DGLUCY: variants seen among roughly 807,000 people sequenced by gnomAD.
The protein encoded by DGLUCY is D-glutamate cyclase, also known as D-glutamate cyclase, mitochondrial.
In DGLUCY, 58 loss-of-function variants were observed where a neutral mutation model predicts 58.5. The observed-to-expected ratio is 0.99, with a 90% CI of 0.80 to 1.23. The LOEUF (loss-of-function observed/expected upper bound fraction) is 1.23, where lower values mean the gene tolerates loss of function less well. Among genes scored for constraint, DGLUCY ranks in the 50% most tolerant of loss-of-function variants. The probability of loss-of-function intolerance (pLI) is 0.00; values close to 1 mark genes in which losing one functional copy is unlikely to be tolerated. For missense variants in DGLUCY, 779 were observed against 784.7 expected, an observed-to-expected ratio of 0.99 and a Z score of 0.09; for synonymous variants, 325 against 314.1, an observed-to-expected ratio of 1.03 and a Z score of -0.37.
intron 1 of DGLUCY, among the ~76,000 whole-genome samples, chr14:91,076,425 GT>G (rs1285787813): frequency 6.6e-6 from 1 of 152,026 alleles, no homozygotes; most frequent in African/African-American, 2.4e-5. Flanking sequence ...CACTGTATGG[GT>G]TTTTTATTTG....
chr14:91,165,988 T>G (rs2048261580), intron 3 of DGLUCY, among the ~76,000 whole-genome samples: 1 of 152,220 alleles, frequency 6.6e-6, no homozygotes, highest in African/African-American at 2.4e-5. Flanking sequence ...ATTGCATGAA[T>G]ATACTAGGCA....
intron 1 of DGLUCY, among the ~76,000 whole-genome samples, chr14:91,145,575 G>A (rs572738098): frequency 5.9e-5 from 9 of 152,208 alleles, no homozygotes; most frequent in African/African-American, 2.2e-4. Flanking sequence ...GAACCAAGAC[G>A]GGGTTGACAC....
Position 91,196,360 on chromosome 14 carries a change from G to A in DGLUCY, c.1196-15G>A. On this transcript the variant is annotated splice_polypyrimidine_tract_variant and intron_variant, in intron 9 of 13. Coordinates refer to ENST00000256324, the MANE Select transcript of DGLUCY (RefSeq NM_001102368.3). ...ACTAGAGCTGATGTGTGCCCTGCTT[G>A]CCTTTATTTTCAAGGTGTTCTGAAG... is the stretch of plus-strand genomic sequence containing the variant. 1 of 1,611,464 alleles carries A rather than the reference G, an allele frequency of 6.2e-7. No homozygotes were observed. Among genetic ancestry groups the A allele is most frequent in the Non-Finnish European group, 8.5e-7 (1 of 1,177,734 alleles).
intron 1 of DGLUCY, among the ~76,000 whole-genome samples, chr14:91,072,403 G>A (rs2043937337): frequency 6.6e-6 from 1 of 151,540 alleles, no homozygotes; most frequent in Non-Finnish European, 1.5e-5. Context: ...TTTTGTGTTC[G>A]TTTTTTCTTA....
intron 1 of DGLUCY, among the ~76,000 whole-genome samples, chr14:91,062,608 TATA>T (rs1405605276): frequency 0.06 from 1,657 of 27,782 alleles, 213 homozygotes; most frequent in Middle Eastern, 0.087. Flanking sequence ...TATATATATA[TATA>T]AACAATCCTT....
At chr14:91,101,037 C>T (rs1409963388) in intron 1 of DGLUCY, among the ~76,000 whole-genome samples, 47 of 152,034 alleles carry the variant, frequency 3.1e-4, no homozygotes, top group Non-Finnish European at 1.0e-4. Flanking sequence ...TGCTGCTCCA[C>T]CCCAGCCTGG....
intron 4 of DGLUCY, chr14:91,167,640 G>T (rs2048356872): frequency 2.8e-6 from 2 of 706,518 alleles, no homozygotes; most frequent in Non-Finnish European, 2.6e-6. Context: ...CACTGGCTCT[G>T]CCATCTGTCC....
intron 1 of DGLUCY, among the ~76,000 whole-genome samples, chr14:91,093,336 G>A (rs1330072877): frequency 6.6e-6 from 1 of 152,130 alleles, no homozygotes; most frequent in African/African-American, 2.4e-5. Flanking sequence ...GGATTGTTGT[G>A]GAAATGGAAA....
chr14:91,156,991 C>A (rs2047654438), intron 1 of DGLUCY, among the ~76,000 whole-genome samples: 1 of 152,074 alleles, frequency 6.6e-6, no homozygotes, highest in African/African-American at 2.4e-5. Context: ...CCTAACACCA[C>A]AAAATGGGTG....
At chr14:91,128,446 A>T (rs1488624096) in intron 1 of DGLUCY, among the ~76,000 whole-genome samples, 1 of 152,084 alleles carries the variant, frequency 6.6e-6, no homozygotes, top group East Asian at 1.9e-4. Flanking sequence ...ATGAGCCATG[A>T]TCACACCACT....
intron 1 of DGLUCY, among the ~76,000 whole-genome samples, chr14:91,116,942 C>CA (rs11442546): frequency 0.82 from 117,290 of 142,602 alleles, 48,061 homozygotes; most frequent in East Asian, 0.99. Flanking sequence ...GAGTCTGTCT[C>CA]AAAAAAAAAA....
intron 12 of DGLUCY, 152 bp from the exon 13 acceptor site, chr14:91,215,253 G>A (rs1284415223): frequency 3.0e-6 from 4 of 1,323,408 alleles, no homozygotes; most frequent in Non-Finnish European, 9.8e-7. Context: ...CTTGGCTGGG[G>A]CCAAAGAATT....
At chr14:91,155,573 G>A (rs554111874) in intron 1 of DGLUCY, among the ~76,000 whole-genome samples, 1 of 152,228 alleles carries the variant, frequency 6.6e-6, no homozygotes, top group South Asian at 2.1e-4. Flanking sequence ...ACTTTGAGAG[G>A]CCAAGGCTGA....
upstream of DGLUCY, among the ~76,000 whole-genome samples, chr14:91,112,954 G>A (rs541052857): frequency 3.0e-5 from 4 of 131,306 alleles, no homozygotes; most frequent in Admixed American, 8.9e-5. Context: ...AGCCAAGATC[G>A]CACCACTGCT....
intron 1 of DGLUCY, among the ~76,000 whole-genome samples, chr14:91,070,177 G>A (rs2043892045): frequency 6.6e-6 from 1 of 152,140 alleles, no homozygotes; most frequent in Admixed American, 6.5e-5. Context: ...AAATTAGGGA[G>A]AAGCTGGAGG....
At chr14:91,142,703 A>G (rs1313393492) in intron 1 of DGLUCY, among the ~76,000 whole-genome samples, 1 of 151,968 alleles carries the variant, frequency 6.6e-6, no homozygotes, top group Non-Finnish European at 1.5e-5. Context: ...TTATGCCTGT[A>G]ATCCCAGCAC....
chr14:91,082,565 A>T (rs1041371861), intron 1 of DGLUCY, among the ~76,000 whole-genome samples: 7 of 152,158 alleles, frequency 4.6e-5, no homozygotes, highest in Non-Finnish European at 2.9e-5. Flanking sequence ...AATCCTTATC[A>T]TGTTCTGTAA....
chr14:91,150,093 C>T (rs2047233469), intron 1 of DGLUCY, among the ~76,000 whole-genome samples: 1 of 151,846 alleles, frequency 6.6e-6, no homozygotes, highest in Non-Finnish European at 1.5e-5. Context: ...GTGGTAGGCA[C>T]CGGTAGTCCC....
chr14:91,147,304 T>G (rs752468803), intron 1 of DGLUCY, among the ~76,000 whole-genome samples: 1 of 152,152 alleles, frequency 6.6e-6, no homozygotes, highest in Non-Finnish European at 1.5e-5. Flanking sequence ...TTCTGAACAT[T>G]TGGTAATCAG....
Sources: gnomAD v4.1 joint callset for allele counts (sites outside exome capture counted in the v4.1 genomes callset) on GRCh38, gnomAD v4.1.1 for gene constraint, MANE v1.5 for transcripts, NCBI Gene and HGNC (gene_info 2026-07-23, HGNC 2026-07-21) for gene names.